Variants in CHRNA5 observed in about 807,000 individuals in gnomAD.
CHRNA5 encodes the protein neuronal acetylcholine receptor subunit alpha-5.
Under a neutral mutation model 41.2 loss-of-function variants are expected in CHRNA5, and 28 were observed. That is an observed-to-expected ratio of 0.68 (90% CI 0.50 to 0.93). The LOEUF (loss-of-function observed/expected upper bound fraction) is 0.93, where lower values mean the gene tolerates loss of function less well. Ranked by LOEUF, CHRNA5 falls within the 40% of genes least tolerant of loss-of-function variation. CHRNA5 has a pLI of 0.00. For missense variants in CHRNA5, 481 were observed against 581.9 expected (o/e 0.83, Z 1.78); for synonymous variants, 188 against 205.8 (o/e 0.91, Z 0.74).
exon 6 of CHRNA5, chr15:78,593,506 G>A (rs201437321): frequency 4.5e-5 from 12 of 265,700 alleles, no homozygotes; most frequent in African/African-American, 2.0e-4. Flanking sequence ...GAAAAATCTA[G>A]TATTTGTATC....
chr15:78,581,949 G>A (rs2052916445), intron 2 of CHRNA5, among the ~76,000 whole-genome samples: 1 of 152,114 alleles, frequency 6.6e-6, no homozygotes, highest in Non-Finnish European at 1.5e-5. Flanking sequence ...ATTTTGAACA[G>A]AAGCTTGTTT....
intron 1 of CHRNA5, among the ~76,000 whole-genome samples, chr15:78,570,402 G>C (rs985219171): frequency 7.2e-6 from 1 of 139,196 alleles, no homozygotes; most frequent in East Asian, 2.6e-4. Context: ...GAAATTACAG[G>C]CATGTGCCAC....
chr15:78,580,978 C>G lies in CHRNA5; in HGVS notation c.258+16C>G. The G allele has an allele frequency of 1.2e-6, 2 of 1,606,072 alleles. No individual in the cohort carries two copies. The highest frequency in any genetic ancestry group is 1.7e-6 in the Non-Finnish European group (2 of 1,177,950). ...GGTGGATGTGGTAGGTGTGCATATC[C>G]TTCTATAGTCAATTTCCCACAGATT... On this transcript the variant is annotated intron_variant, in intron 2 of 5. Transcript: ENST00000299565.
At chr15:78,585,760 TTTTTC>T (rs1331507885) in intron 2 of CHRNA5, among the ~76,000 whole-genome samples, 112 of 145,316 alleles carry the variant, frequency 7.7e-4, no homozygotes, top group African/African-American at 2.1e-3. Flanking sequence ...CTGCCAATAT[TTTTTC>T]TTTTTCTTTT....
intron 2 of CHRNA5, among the ~76,000 whole-genome samples, chr15:78,582,783 C>G (rs796532362): frequency 3.3e-5 from 5 of 152,302 alleles, no homozygotes; most frequent in African/African-American, 1.2e-4. Context: ...ACTGAGCCTT[C>G]CTGTACAGCT....
At chr15:78,590,421 A>G in exon 5 of CHRNA5, 1 of 1,614,164 alleles carries the variant, frequency 6.2e-7, no homozygotes, top group Non-Finnish European at 8.5e-7. Context: ...TTCTTCCTCA[A>G]CACATAATGC....
intron 4 of CHRNA5, chr15:78,589,174 A>G (rs1321097000): frequency 6.6e-6 from 1 of 152,212 alleles, no homozygotes; most frequent in Non-Finnish European, 1.5e-5. Context: ...ACATTTTTAT[A>G]TTAAACATGG....
At chr15:78,587,027 T>G (rs994166625) in intron 3 of CHRNA5, among the ~76,000 whole-genome samples, 1 of 152,168 alleles carries the variant, frequency 6.6e-6, no homozygotes, top group Admixed American at 6.5e-5. Flanking sequence ...GGGAAGAGGT[T>G]TAATGGATTC....
chr15:78,574,156 G>A (rs1279986245), intron 1 of CHRNA5, among the ~76,000 whole-genome samples: 6 of 150,870 alleles, frequency 4.0e-5, no homozygotes, highest in Non-Finnish European at 8.9e-5. Context: ...CAAGGCGGGC[G>A]GATCACCTGA....
In CHRNA5 at chr15:78,574,641, C is replaced by T. The variant is rs2141402993; in HGVS notation, c.107-6170C>T. Among the ~76,000 whole-genome samples, 4 of 152,108 alleles carry T rather than the reference C, an allele frequency of 2.6e-5. 1 individual carries two copies. In the South Asian group the frequency reaches 8.3e-4, roughly 32 times the overall value. ...AAAAGTCGTTGCCATACCCATTTAA[C>T]AATTATTGACATATTGCTAACAGAT... On this transcript the variant is annotated intron_variant, in intron 1 of 5. Transcript: ENST00000299565.
At chr15:78,589,845 A>C (rs749486168) in exon 5 of CHRNA5, 1 of 1,610,220 alleles carries the variant, frequency 6.2e-7, no homozygotes, top group Non-Finnish European at 8.5e-7. Context: ...GAAAACAGTC[A>C]TCAGGTACAA....
rs1231126574 is a variant in CHRNA5, at chr15:78,593,216, T to C, written c.1370T>C (p.Ile457Thr). 5.0e-6 allele frequency: 8 copies of C among 1,612,816 alleles called. No individual in the cohort carries two copies. The highest frequency in any genetic ancestry group is 1.1e-5 in the South Asian group (1 of 90,612). Reference sequence around the variant, plus strand: ...CCTGTTATTTATAAATGGGCAAATATATTAATACCAGTTCATATTGGAAAT... The same window carrying C: ...CCTGTTATTTATAAATGGGCAAATACATTAATACCAGTTCATATTGGAAAT... Residue 457 changes from isoleucine to threonine, a missense_variant, in exon 6 of 6, where the codon ATA becomes ACA. Transcript: ENST00000299565.
intron 1 of CHRNA5, among the ~76,000 whole-genome samples, chr15:78,568,789 A>G (rs1444193386): frequency 6.6e-6 from 1 of 152,172 alleles, no homozygotes; most frequent in Admixed American, 6.5e-5. Flanking sequence ...AGCTTCATCC[A>G]TGTCCCTGCA....
intron 2 of CHRNA5, 55 bp downstream of exon 2, chr15:78,581,017 G>GGCACACACCAGGCTCTCACTAAATC: frequency 6.4e-7 from 1 of 1,562,534 alleles, no homozygotes; most frequent in Non-Finnish European, 8.7e-7. Flanking sequence ...TGAGAGCCTG[G>GGCACACACCAGGCTCTCACTAAATC]TGTGTGCCCA....
chr15:78,574,160 C>A (rs1374106974), intron 1 of CHRNA5, among the ~76,000 whole-genome samples: 3 of 151,078 alleles, frequency 2.0e-5, no homozygotes, highest in Admixed American at 2.0e-4. Context: ...GCGGGCGGAT[C>A]ACCTGAGGTC....
Position 78,570,197 on chromosome 15 carries a change from T to A in CHRNA5, c.106+4372T>A, listed in dbSNP as rs923453250. On this transcript the variant is annotated intron_variant, in intron 1 of 5. Transcript: ENST00000299565. Reference sequence around the variant, plus strand: ...TCCTTTTCTGTTCTATGATGAAAAATGTTAATTTAGATGTTTTGTTCTCCT... The same window carrying A: ...TCCTTTTCTGTTCTATGATGAAAAAAGTTAATTTAGATGTTTTGTTCTCCT... Among the ~76,000 whole-genome samples, 3 of 152,150 alleles carry A rather than the reference T, an allele frequency of 2.0e-5. No individual in the cohort carries two copies. In the South Asian group the frequency reaches 6.2e-4, roughly 32 times the overall value.
intron 2 of CHRNA5, among the ~76,000 whole-genome samples, chr15:78,582,706 C>T (rs1363201080): frequency 6.6e-6 from 1 of 152,050 alleles, no homozygotes; most frequent in African/African-American, 2.4e-5. Flanking sequence ...TGTAGGGTTT[C>T]AACGTGGCAG....
At chr15:78,576,492 T>A (rs1469095491) in intron 1 of CHRNA5, among the ~76,000 whole-genome samples, 1 of 152,120 alleles carries the variant, frequency 6.6e-6, no homozygotes, top group East Asian at 1.9e-4. Flanking sequence ...AATTAAAATG[T>A]AATAATGTAA....
chr15:78,585,724 A>G lies in CHRNA5; in HGVS notation c.259-921A>G, dbSNP rs567920566. Among the ~76,000 whole-genome samples the G allele has an allele frequency of 8.5e-5, 13 of 152,188 alleles. 1 individual carries two copies. Among genetic ancestry groups the G allele is most frequent in the African/African-American group, 3.1e-4 (13 of 41,524 alleles). On this transcript the variant is annotated intron_variant, in intron 2 of 5. Coordinates refer to ENST00000299565, the Ensembl canonical transcript of CHRNA5. Reference sequence around the variant, plus strand: ...AGTTCTCTACAAAAGTAGGCACGAAAAGCTTTATGAAATTCGTATTCAAGG... The same window carrying G: ...AGTTCTCTACAAAAGTAGGCACGAAGAGCTTTATGAAATTCGTATTCAAGG...
Sources: gnomAD v4.1 joint callset for allele counts (sites outside exome capture counted in the v4.1 genomes callset) on GRCh38, gnomAD v4.1.1 for gene constraint, MANE v1.5 for transcripts, NCBI Gene and HGNC (gene_info 2026-07-23, HGNC 2026-07-21) for gene names.